IQSEC1: variants seen among roughly 807,000 people sequenced by gnomAD.
IQSEC1 encodes IQ motif and Sec7 domain ArfGEF 1, also known as IQ motif and SEC7 domain-containing protein 1.
In IQSEC1, 31 loss-of-function variants were observed where a neutral mutation model predicts 91.0. The observed-to-expected ratio is 0.34, with a 90% CI of 0.26 to 0.46. The LOEUF (loss-of-function observed/expected upper bound fraction) is 0.46. Ranked by LOEUF, IQSEC1 falls within the 20% of genes least tolerant of loss-of-function variation. IQSEC1 has a pLI of 1.00. For missense variants in IQSEC1, 1,388 were observed against 1,575.6 expected (o/e 0.88, Z 2.02); for synonymous variants, 699 against 662.6 (o/e 1.05, Z -0.84).
At chr3:13,075,556 A>C (rs397937), upstream of IQSEC1, among the ~76,000 whole-genome samples, 24,279 of 152,238 alleles carry the variant, frequency 0.16, 2,252 homozygotes, top group Middle Eastern at 0.22. Flanking sequence ...GAGGCCCATG[A>C]CATGCATCTG....
Position 12,994,624 on chromosome 3 carries a change from C to G in IQSEC1, c.24-52759G>C, listed in dbSNP as rs1334460014. Among the ~76,000 whole-genome samples the G allele has an allele frequency of 6.6e-6, 1 of 152,196 alleles. No homozygotes were observed. The highest frequency in any genetic ancestry group is 1.5e-5 in the Non-Finnish European group (1 of 68,034). On this transcript the variant is annotated intron_variant, in intron 1 of 13. Coordinates refer to ENST00000613206, the MANE Select transcript of IQSEC1 (RefSeq NM_001134382.3). This position sits in a 1 kb window ranked among gnomAD's most constrained non-coding sequence, Gnocchi z 4.5. ...CTGCAGCCCCGGCCGAAACGCCCCA[C>G]CCCCGCCGCCGTCCCCAGTTCGCAG...
At chr3:13,067,562 A>C (rs1705277503) in intron 1 of IQSEC1, among the ~76,000 whole-genome samples, 1 of 152,228 alleles carries the variant, frequency 6.6e-6, no homozygotes. Context: ...CCTTGCGGCC[A>C]AGAGATCTGG....
intron 1 of IQSEC1, among the ~76,000 whole-genome samples, chr3:13,204,533 G>C (rs1016662195): frequency 6.6e-6 from 1 of 152,232 alleles, no homozygotes; most frequent in African/African-American, 2.4e-5. Flanking sequence ...AGCGAGAGCG[G>C]CTCACGCTGC....
rs932985325 is a variant in IQSEC1, at chr3:12,967,743, G to T, written c.24-25878C>A. ...GTGGCCCTGAAGTGGGCGGGGCAGG[G>T]CGGGGGCGGGGCCGGAGGGCGAGCT... is the stretch of plus-strand genomic sequence containing the variant. On this transcript the variant is annotated intron_variant, in intron 1 of 13. Transcript: ENST00000613206. The surrounding 1 kb of genome is among the most constrained non-coding windows in gnomAD (Gnocchi z 5.9). 1 of 1,044,768 alleles carries T rather than the reference G, an allele frequency of 9.6e-7. No homozygotes were observed. Among genetic ancestry groups the T allele is most frequent in the Non-Finnish European group, 1.2e-6 (1 of 868,206 alleles). The allele number at this position is 1,044,768 out of a possible 1,614,324, so 64.7% of individuals were successfully genotyped here.
intron 13 of IQSEC1, 103 bp downstream of exon 13, chr3:12,902,670 C>CAAAAAAAAAAAAAAAAAAAAAAAACAAA (rs1694481032): frequency 5.7e-5 from 11 of 192,636 alleles, no homozygotes; most frequent in Non-Finnish European, 7.2e-5. Flanking sequence ...AAAAAAAAAC[C>CAAAAAAAAAAAAAAAAAAAAAAAACAAA]AAAAAAAAAA....
Position 12,924,805 on chromosome 3 carries a change from G to A in IQSEC1, c.1569-63C>T. The A allele has an allele frequency of 2.1e-6, 3 of 1,462,082 alleles. No individual in the cohort carries two copies. Among genetic ancestry groups the A allele is most frequent in the Non-Finnish European group, 2.8e-6 (3 of 1,083,642 alleles). 90.6% of individuals were successfully genotyped at this position (1,462,082 alleles called of 1,614,324 possible). On this transcript the variant is annotated intron_variant, in intron 3 of 13. Transcript: ENST00000613206. This position sits in a 1 kb window ranked among gnomAD's most constrained non-coding sequence, Gnocchi z 6.3. ...CCGGCCACCAGCCAGGCACCTGGAG[G>A]GGATCTCCGCTCAGTGGACGGTCGA...
intron 5 of IQSEC1, 98 bp from the exon 6 acceptor site, chr3:12,920,694 T>G: frequency 7.7e-7 from 1 of 1,294,726 alleles, no homozygotes; most frequent in South Asian, 1.3e-5. Flanking sequence ...AAGCCTCAGC[T>G]CCTGCTTCTG....
chr3:13,128,844 T>G (rs1049355279), intron 2 of IQSEC1, among the ~76,000 whole-genome samples: 7 of 129,558 alleles, frequency 5.4e-5, no homozygotes, highest in Non-Finnish European at 9.2e-5. Flanking sequence ...ACCACTGCAC[T>G]CCAGCCCGGG....
At chr3:13,181,869 T>C (rs571094767) in intron 1 of IQSEC1, among the ~76,000 whole-genome samples, 5 of 152,386 alleles carry the variant, frequency 3.3e-5, no homozygotes, top group African/African-American at 1.2e-4. Context: ...ATATTTTATT[T>C]AACTTGTTCA....
In IQSEC1 at chr3:12,922,361, C is replaced by A; in HGVS notation, c.1731-119G>T. 2.4e-6 allele frequency: 3 copies of A among 1,260,744 alleles called. No homozygotes were observed. Among genetic ancestry groups the A allele is most frequent in the Non-Finnish European group, 3.2e-6 (3 of 948,284 alleles). 78.1% of individuals were successfully genotyped at this position (1,260,744 alleles called of 1,614,324 possible). A position where few individuals can be genotyped will look rare whatever the true frequency, so the allele number is the denominator to read the frequency against. On this transcript the variant is annotated intron_variant, in intron 4 of 13. Transcript: ENST00000613206. The surrounding 1 kb of genome is among the most constrained non-coding windows in gnomAD (Gnocchi z 5.1). ...TGGACCGCCTCCTGGCAGGGAGAGC[C>A]CCTGCCTGACTCCGACCAATCAGCC...
At chr3:13,036,467 A>G (rs1241025801) in intron 1 of IQSEC1, among the ~76,000 whole-genome samples, 2 of 152,208 alleles carry the variant, frequency 1.3e-5, no homozygotes, top group Admixed American at 1.3e-4. Flanking sequence ...TTTTTTTTAA[A>G]AAGAAAATTA....
chr3:13,049,249 G>A (rs360896), intron 1 of IQSEC1, among the ~76,000 whole-genome samples: 111,279 of 152,070 alleles, frequency 0.73, 41,243 homozygotes, highest in South Asian at 0.87. Context: ...AGATGATACC[G>A]ATACGATGCG....
intron 2 of IQSEC1, among the ~76,000 whole-genome samples, chr3:13,140,904 G>A (rs759520814): frequency 1.1e-4 from 17 of 152,160 alleles, no homozygotes; most frequent in Non-Finnish European, 1.6e-4. Context: ...TCCTGCCAGC[G>A]CTGGTGTCAT....
chr3:13,097,553 G>A (rs1395724250), intron 2 of IQSEC1, among the ~76,000 whole-genome samples: 1 of 152,148 alleles, frequency 6.6e-6, no homozygotes, highest in Admixed American at 6.5e-5. Context: ...ACCGGGGCTG[G>A]GCCCCTCAGC....
chr3:13,171,298 C>A (rs1207242500), intron 1 of IQSEC1, among the ~76,000 whole-genome samples: 1 of 152,166 alleles, frequency 6.6e-6, no homozygotes, highest in African/African-American at 2.4e-5. Context: ...CAGGTGGACA[C>A]AGGAGAAAAG....
chr3:12,912,305 C>T (rs971509765), intron 9 of IQSEC1, among the ~76,000 whole-genome samples: 11 of 152,202 alleles, frequency 7.2e-5, no homozygotes, highest in African/African-American at 2.7e-4. Flanking sequence ...CACATCTCCC[C>T]GGTCTCCAGG....
At chr3:13,035,901 G>C (rs1350207500) in intron 1 of IQSEC1, among the ~76,000 whole-genome samples, 1 of 152,218 alleles carries the variant, frequency 6.6e-6, no homozygotes, top group Admixed American at 6.5e-5. Flanking sequence ...GCCATGTTTT[G>C]AGGACGCCCA....
chr3:13,106,987 G>T (rs1182650051), intron 2 of IQSEC1, among the ~76,000 whole-genome samples: 1 of 152,214 alleles, frequency 6.6e-6, no homozygotes, highest in Non-Finnish European at 1.5e-5. Flanking sequence ...AAAGACTTGG[G>T]TGGTTTTCTA....
At chr3:13,185,434 G>C (rs959175798) in intron 1 of IQSEC1, among the ~76,000 whole-genome samples, 8 of 152,160 alleles carry the variant, frequency 5.3e-5, no homozygotes, top group African/African-American at 1.9e-4. Context: ...TCTGTGCCTT[G>C]CTCCCTTGGA....
Sources: allele counts gnomAD v4.1 joint callset (sites outside exome capture counted in the v4.1 genomes callset), GRCh38; gene constraint gnomAD v4.1.1; non-coding constraint Gnocchi (gnomAD v3.1); transcripts MANE v1.5; gene names NCBI Gene and HGNC (gene_info 2026-07-23, HGNC 2026-07-21).